Variants in ZFYVE21 observed in about 807,000 individuals in gnomAD.
The protein encoded by ZFYVE21 is zinc finger FYVE domain-containing protein 21.
A neutral mutation model predicts 29.5 loss-of-function variants in ZFYVE21; 21 were observed. The ratio of observed to expected loss-of-function variants is 0.71; its 90% CI spans 0.50 to 1.02. ZFYVE21 has a LOEUF of 1.02. Among genes scored for constraint, ZFYVE21 ranks in the 50% least tolerant of loss-of-function variants. ZFYVE21 has a pLI of 0.00. For synonymous variants in ZFYVE21, 151 were observed against 133.8 expected, an observed-to-expected ratio of 1.13 and a Z score of -0.89; for missense variants, 326 against 335.4, an observed-to-expected ratio of 0.97 and a Z score of 0.22.
At position 103,727,888 on chromosome 14, in the gene ZFYVE21, A is replaced by ACAAG; in HGVS notation, c.335_338dup (p.Leu114AlafsTer22). 1 of 1,612,806 alleles carries ACAAG rather than the reference A, an allele frequency of 6.2e-7. No individual in the cohort carries two copies. Among genetic ancestry groups the ACAAG allele is most frequent in the Non-Finnish European group, 8.5e-7 (1 of 1,179,590 alleles). ...TCCCTCAAGGAGGCGGAGTTCTACG[A>ACAAG]CAAGCAGCTCAAAGTGCTCCTGAGC... On this transcript the variant is annotated frameshift_variant, in exon 3 of 7. Transcript: ENST00000311141. LOFTEE classifies it high-confidence loss of function.
intron 1 of ZFYVE21, among the ~76,000 whole-genome samples, chr14:103,719,313 A>C (rs1221711738): frequency 6.6e-6 from 1 of 152,054 alleles, no homozygotes; most frequent in African/African-American, 2.4e-5. Flanking sequence ...TTCAAAAATT[A>C]GTCGGGCGTG....
chr14:103,721,862 C>T (rs1451522555), intron 1 of ZFYVE21, among the ~76,000 whole-genome samples: 1 of 152,266 alleles, frequency 6.6e-6, no homozygotes, highest in Non-Finnish European at 1.5e-5. Flanking sequence ...GTTTGAAAGT[C>T]TGCTCCAGCC....
intron 1 of ZFYVE21, among the ~76,000 whole-genome samples, chr14:103,722,916 C>T (rs1481792626): frequency 6.6e-6 from 1 of 152,008 alleles, no homozygotes; most frequent in Non-Finnish European, 1.5e-5. Context: ...TCCCAAAGTG[C>T]TGGGATTACA....
intron 1 of ZFYVE21, chr14:103,726,580 G>T (rs2083926557): frequency 3.2e-6 from 2 of 615,416 alleles, no homozygotes; most frequent in South Asian, 3.8e-5. Flanking sequence ...TCTCCCGCAG[G>T]CCTGGGAGCA....
chr14:103,732,710 A>C lies in ZFYVE21; in HGVS notation c.617A>C (p.Asp206Ala), dbSNP rs1475579265. The stretch of plus-strand genomic sequence containing the variant: ...CAGCTGAAGCTGACAGTGGTGGAGG[A>C]CGTGACTGTGGGCAGGAGGCAGGCG... ...VTQLKLTVVE[D>A]VTVGRRQAVA... is the part of the protein sequence containing the mutation. Residue 206 changes from aspartate (D) to alanine (A), a missense_variant, in exon 6 of 7, where the codon GAC becomes GCC. Coordinates refer to ENST00000311141, the MANE Select transcript of ZFYVE21 (RefSeq NM_024071.4). 6.2e-7 allele frequency: 1 copy of C among 1,613,590 alleles called. No individual in the cohort carries two copies. The highest frequency in any genetic ancestry group is 8.5e-7 in the Non-Finnish European group (1 of 1,179,846).
chr14:103,732,981 A>G lies in ZFYVE21; in HGVS notation c.670-2A>G, dbSNP rs2084000504. On this transcript the variant is annotated splice_acceptor_variant, in intron 6 of 6. Coordinates refer to ENST00000311141, the MANE Select transcript of ZFYVE21 (RefSeq NM_024071.4). LOFTEE classifies it high-confidence loss of function. Reference sequence around the variant, plus strand: ...ACTGTGTTGATCTTGTCTGATCTGCAGGCTGCCAAGCTCCTCTATGAATCT... The same window carrying G: ...ACTGTGTTGATCTTGTCTGATCTGCGGGCTGCCAAGCTCCTCTATGAATCT... The G allele has an allele frequency of 6.2e-7, 1 of 1,613,984 alleles. No individual in the cohort carries two copies. The highest frequency in any genetic ancestry group is 1.3e-5 in the African/African-American group (1 of 74,912).
intron 5 of ZFYVE21, chr14:103,730,900 C>G (rs527589959): frequency 6.6e-6 from 1 of 152,308 alleles, no homozygotes; most frequent in East Asian, 1.9e-4. Flanking sequence ...AGGCGGTAGG[C>G]AGAGCCATGG....
At chr14:103,729,795 A>G in intron 5 of ZFYVE21, 1 of 1,536,480 alleles carries the variant, frequency 6.5e-7, no homozygotes, top group Non-Finnish European at 8.7e-7. Context: ...TGCCATAGAA[A>G]AAGACATTCA....
intron 1 of ZFYVE21, 47 bp from the exon 2 acceptor site, chr14:103,726,745 G>A (rs766903352): frequency 6.2e-7 from 1 of 1,611,536 alleles, no homozygotes; most frequent in East Asian, 2.2e-5. Flanking sequence ...CCAGCGACGT[G>A]GTGAGTGACC....
intron 1 of ZFYVE21, chr14:103,725,369 T>A (rs1443842128): frequency 1.3e-5 from 2 of 152,398 alleles, no homozygotes; most frequent in Non-Finnish European, 2.9e-5. Flanking sequence ...CTTGCTGTTC[T>A]AAGTGGAGGC....
Position 103,729,904 on chromosome 14 carries a change from C to T in ZFYVE21, c.526+722C>T, listed in dbSNP as rs749636096. The T allele has an allele frequency of 1.6e-4, 238 of 1,521,666 alleles. 1 individual carries two copies. Among genetic ancestry groups the T allele is most frequent in the African/African-American group, 1.2e-3 (85 of 72,712 alleles). 94.3% of individuals were successfully genotyped at this position (1,521,666 alleles called of 1,614,324 possible). ...CATGCAGCGGGCCCGTTCCTCCCCT[C>T]GCCACCTGGCTTCTGTCCACGGGGT... On this transcript the variant is annotated intron_variant, in intron 5 of 6. Coordinates refer to ENST00000311141, the MANE Select transcript of ZFYVE21 (RefSeq NM_024071.4).
intron 5 of ZFYVE21, chr14:103,729,939 C>T: frequency 1.4e-6 from 2 of 1,398,754 alleles, no homozygotes; most frequent in Middle Eastern, 1.8e-4. Context: ...TGGTCCATGC[C>T]AAGGTTCTTT....
intron 2 of ZFYVE21, 108 bp from the exon 3 acceptor site, chr14:103,727,638 G>A (rs913937517): frequency 3.5e-5 from 51 of 1,437,002 alleles, no homozygotes; most frequent in Non-Finnish European, 4.8e-5. Context: ...CCGGCACAGG[G>A]GCCTCGCGTT....
intron 3 of ZFYVE21, 69 bp downstream of exon 3, chr14:103,727,983 G>A (rs1452801080): frequency 2.6e-6 from 4 of 1,512,880 alleles, no homozygotes; most frequent in Non-Finnish European, 3.6e-6. Flanking sequence ...TGGCGATGCT[G>A]TGGGCTGTGC....
chr14:103,720,148 A>G (rs1252027918), intron 1 of ZFYVE21, among the ~76,000 whole-genome samples: 1 of 152,186 alleles, frequency 6.6e-6, no homozygotes, highest in East Asian at 1.9e-4. Context: ...TCCCTGTGAG[A>G]GGAGCCAGTT....
Position 103,716,061 on chromosome 14 carries a change from A to G in ZFYVE21, c.138+82A>G. 8.7e-7 allele frequency: 1 copy of G among 1,144,910 alleles called. No individual in the cohort carries two copies. 70.9% of individuals were successfully genotyped at this position (1,144,910 alleles called of 1,614,324 possible). A position where few individuals can be genotyped will look rare whatever the true frequency, so the allele number is the denominator to read the frequency against. On this transcript the variant is annotated intron_variant, in intron 1 of 6. Coordinates refer to ENST00000311141, the MANE Select transcript of ZFYVE21 (RefSeq NM_024071.4). This position sits in a 1 kb window ranked among gnomAD's most constrained non-coding sequence, Gnocchi z 4.8. ...CCCCGCGGGCTTCCAGGCTCCCGCG[A>G]CGACCCCTCCGCCTCCGGGCGGCCC...
intron 1 of ZFYVE21, among the ~76,000 whole-genome samples, chr14:103,721,337 C>T (rs1463186026): frequency 3.1e-4 from 47 of 152,226 alleles, no homozygotes; most frequent in Admixed American, 2.9e-3. Context: ...CACTGGGAGC[C>T]GTCTGCATGC....
intron 3 of ZFYVE21, 118 bp downstream of exon 3, chr14:103,728,032 C>T: frequency 9.1e-7 from 1 of 1,093,864 alleles, no homozygotes; most frequent in Non-Finnish European, 1.3e-6. Context: ...CTCGCCCTCC[C>T]TCCCTTCCCC....
rs766979607 is a variant in ZFYVE21, at chr14:103,729,231, C to G, written c.526+49C>G. ...TAAGCCAGGAGGGTTTGGTGCCATG[C>G]GTGGGTGACAAGAGGAGCATGCACT... is the stretch of plus-strand genomic sequence containing the variant. On this transcript the variant is annotated intron_variant, in intron 5 of 6. Transcript: ENST00000311141. The G allele has an allele frequency of 5.7e-6, 9 of 1,592,582 alleles. No individual in the cohort carries two copies. In the Admixed American group the frequency reaches 1.0e-4, roughly 18 times the overall value.
Sources: allele counts gnomAD v4.1 joint callset (sites outside exome capture counted in the v4.1 genomes callset), GRCh38; gene constraint gnomAD v4.1.1; non-coding constraint Gnocchi (gnomAD v3.1); transcripts MANE v1.5; gene names NCBI Gene and HGNC (gene_info 2026-07-23, HGNC 2026-07-21).